The following TTC21B variants were observed in gnomAD, a reference collection of about 807,000 sequenced individuals.
TTC21B encodes tetratricopeptide repeat protein 21B.
A neutral mutation model predicts 175.1 loss-of-function variants in TTC21B; 127 were observed. That is an observed-to-expected ratio of 0.73 (90% CI 0.63 to 0.84). TTC21B has a LOEUF of 0.84. Among genes scored for constraint, TTC21B ranks in the 40% least tolerant of loss-of-function variants. TTC21B has a pLI of 0.00. For synonymous variants in TTC21B, 524 were observed against 524.5 expected, an observed-to-expected ratio of 1.00 and a Z score of 0.01; for missense variants, 1,561 against 1,558.3, an observed-to-expected ratio of 1.00 and a Z score of -0.03.
At chr2:165,895,634 A>T (rs1182373846) in intron 22 of TTC21B, among the ~76,000 whole-genome samples, 1 of 152,178 alleles carries the variant, frequency 6.6e-6, no homozygotes, top group Non-Finnish European at 1.5e-5. Context: ...ACAGTGTGGA[A>T]CACAAGGTAG....
intron 19 of TTC21B, among the ~76,000 whole-genome samples, chr2:165,906,701 T>C (rs1047928530): frequency 5.9e-5 from 9 of 151,878 alleles, no homozygotes; most frequent in Non-Finnish European, 1.3e-4. Context: ...TCCCAGCACG[T>C]TGGAAGGCCG....
intron 8 of TTC21B, among the ~76,000 whole-genome samples, chr2:165,930,735 GTGT>G (rs1559067289): frequency 4.9e-3 from 91 of 18,388 alleles, no homozygotes; most frequent in African/African-American, 0.024. Flanking sequence ...GTATGGGGGT[GTGT>G]GTGTGTGTGT....
At chr2:165,898,556 G>A (rs1181211459) in intron 22 of TTC21B, 130 bp downstream of exon 22, 3 of 724,534 alleles carry the variant, frequency 4.1e-6, no homozygotes, top group Non-Finnish European at 7.6e-6. Context: ...TCAAGCCCAT[G>A]TGTGGAATAA....
At chr2:165,880,548 T>A (rs1407995521) in intron 27 of TTC21B, 131 bp downstream of exon 27, 1 of 980,144 alleles carries the variant, frequency 1.0e-6, no homozygotes, top group African/African-American at 1.6e-5. Flanking sequence ...TTATTCTCCT[T>A]TCAGAAAGGT....
At chr2:165,946,925 A>T (rs1687589678) in intron 3 of TTC21B, among the ~76,000 whole-genome samples, 1 of 151,934 alleles carries the variant, frequency 6.6e-6, no homozygotes, top group African/African-American at 2.4e-5. Context: ...TTTAATAATA[A>T]GACTTATAAA....
intron 4 of TTC21B, among the ~76,000 whole-genome samples, chr2:165,944,836 A>C (rs1259025669): frequency 6.6e-6 from 1 of 152,116 alleles, no homozygotes. Flanking sequence ...TCACCTTGGG[A>C]GTACCTACTT....
chr2:165,901,720 A>T lies in TTC21B; in HGVS notation c.2757+2T>A, dbSNP rs1401717772. 6.2e-7 allele frequency: 1 copy of T among 1,613,042 alleles called. No homozygotes were observed. Among genetic ancestry groups the T allele is most frequent in the African/African-American group, 1.3e-5 (1 of 74,896 alleles). On this transcript the variant is annotated splice_donor_variant, in intron 20 of 28. Coordinates refer to ENST00000243344, the MANE Select transcript of TTC21B (RefSeq NM_024753.5). LOFTEE classifies it high-confidence loss of function. ...TATTTAAAATTTTATAAAGGTACTG[A>T]CCTTATTATCTGTTTCGCAGTGAAC...
At chr2:165,901,936 AT>A (rs770463795) in intron 19 of TTC21B, 26 bp from the exon 20 acceptor site, 2 of 1,578,688 alleles carry the variant, frequency 1.3e-6, no homozygotes, top group Non-Finnish European at 1.7e-6. Context: ...ATAAAAGGGA[AT>A]AAAAAAAAAA....
intron 19 of TTC21B, among the ~76,000 whole-genome samples, chr2:165,902,562 T>A (rs1290686737): frequency 6.6e-6 from 1 of 152,156 alleles, no homozygotes; most frequent in East Asian, 1.9e-4. Flanking sequence ...CATAACAGCA[T>A]TCTTTTGCAA....
chr2:165,888,768 T>C (rs1685091657), intron 24 of TTC21B, among the ~76,000 whole-genome samples: 1 of 152,204 alleles, frequency 6.6e-6, no homozygotes, highest in African/African-American at 2.4e-5. Context: ...TGTAAATGTG[T>C]GCATTCCAGC....
In TTC21B at chr2:165,949,677, T is replaced by C. The variant is rs982487033; in HGVS notation, c.69A>G (p.Leu23=). The change falls in exon 2 of 29, where the codon TTA becomes TTG. Residue 23 remains leucine (L), a synonymous_variant. Transcript: ENST00000243344. ...YCQERYFHHV[L]LVASEGIKRY... ...TCTTAATTCCTTCACTGGCAACCAG[T>C]AATACATGATGGAAATATCTCTCTT... 1.2e-6 allele frequency: 2 copies of C among 1,612,622 alleles called. No homozygotes were observed. The highest frequency in any genetic ancestry group is 1.7e-6 in the Non-Finnish European group (2 of 1,179,202).
chr2:165,900,471 C>T (rs1685522356), intron 20 of TTC21B, among the ~76,000 whole-genome samples: 1 of 152,152 alleles, frequency 6.6e-6, no homozygotes, highest in African/African-American at 2.4e-5. Context: ...TAATTATTTT[C>T]AGAAATTAAT....
chr2:165,928,267 T>A (rs1178442577), intron 11 of TTC21B, among the ~76,000 whole-genome samples: 9 of 152,190 alleles, frequency 5.9e-5, no homozygotes, highest in African/African-American at 2.2e-4. Context: ...AGATAAAATT[T>A]CACAGGAATA....
chr2:165,906,030 T>C (rs76185076), intron 19 of TTC21B, among the ~76,000 whole-genome samples: 1 of 152,172 alleles, frequency 6.6e-6, no homozygotes, highest in East Asian at 1.9e-4. Flanking sequence ...ATCAAAAAGA[T>C]AACAAGCAAA....
In TTC21B at chr2:165,924,677, G is replaced by A; in HGVS notation, c.1388C>T (p.Pro463Leu). The A allele has an allele frequency of 1.2e-6, 2 of 1,613,148 alleles. No individual in the cohort carries two copies. The highest frequency in any genetic ancestry group is 1.7e-6 in the Non-Finnish European group (2 of 1,179,522). The change falls in exon 12 of 29, where the codon CCT (proline) becomes CTT (leucine). Residue 463 changes from proline (P) to leucine (L), a missense_variant and splice_region_variant. Physicochemically the swap from Pro to Leu is moderately conservative, Grantham distance 98. Transcript: ENST00000243344. Reference protein sequence around the residue: ...MEYLSFCPMQPASPGQPLCPL... With the variant: ...MEYLSFCPMQLASPGQPLCPL... ...ACAAAGAGGTTGCCCAGGACTTGCA[G>A]GCTAAACAAAACAAATCAGCAGATC...
chr2:165,937,922 T>C (rs930400448), intron 6 of TTC21B, among the ~76,000 whole-genome samples: 5 of 151,818 alleles, frequency 3.3e-5, no homozygotes, highest in East Asian at 1.9e-4. Flanking sequence ...AGAGATTAGA[T>C]TGCCCTGGAC....
intron 22 of TTC21B, among the ~76,000 whole-genome samples, chr2:165,891,653 T>C (rs2105293108): frequency 6.6e-6 from 1 of 152,166 alleles, no homozygotes. Flanking sequence ...GGCAGGTTCC[T>C]AGAAAGCCTT....
At chr2:165,914,654 A>AGT (rs1553511255) in intron 15 of TTC21B, among the ~76,000 whole-genome samples, 1 of 17,080 alleles carries the variant, frequency 5.9e-5, no homozygotes, top group South Asian at 1.5e-3. Context: ...GAGGAAGAGC[A>AGT]ATCTGTGTGT....
Position 165,888,412 on chromosome 2 carries a change from T to G in TTC21B, c.3326A>C (p.Lys1109Thr), listed in dbSNP as rs1237320817. ...CTGAACAGTCTGAGGTTTTAGTTCC[T>G]TAAGAAGTTTTTCTGCTGTTCTTAC... ...LAVRTAEKLLKELKPQTVQGH... is the reference protein window; with the variant it reads ...LAVRTAEKLLTELKPQTVQGH... Residue 1109 changes from lysine (K) to threonine (T), a missense_variant, in exon 25 of 29, where the codon AAG becomes ACG. Physicochemically the swap from Lys to Thr is moderately conservative, Grantham distance 78. Transcript: ENST00000243344. The G allele has an allele frequency of 1.2e-6, 2 of 1,613,974 alleles. No individual in the cohort carries two copies. Among genetic ancestry groups the G allele is most frequent in the Non-Finnish European group, 1.7e-6 (2 of 1,179,922 alleles).
Sources: gnomAD v4.1 joint callset for allele counts (sites outside exome capture counted in the v4.1 genomes callset) on GRCh38, gnomAD v4.1.1 for gene constraint, MANE v1.5 for transcripts, NCBI Gene and HGNC (gene_info 2026-07-23, HGNC 2026-07-21) for gene names.